DISC1: variants seen among roughly 807,000 people sequenced by gnomAD.
The protein encoded by DISC1 is DISC1 scaffold protein, also known as disrupted in schizophrenia 1 protein.
In DISC1, 57 loss-of-function variants were observed where a neutral mutation model predicts 84.5. The ratio of observed to expected loss-of-function variants is 0.67; its 90% confidence interval spans 0.55 to 0.84. DISC1 has a LOEUF of 0.84. Ranked by LOEUF, DISC1 falls within the 40% of genes least tolerant of loss-of-function variation. DISC1 has a pLI of 0.00. For missense variants in DISC1, 1,000 were observed against 1,057.8 expected (o/e 0.95, Z 0.76); for synonymous variants, 411 against 415.2 (o/e 0.99, Z 0.12).
At chr1:231,782,544 A>G (rs1178022483) in intron 6 of DISC1, among the ~76,000 whole-genome samples, 1 of 152,256 alleles carries the variant, frequency 6.6e-6, no homozygotes, top group Non-Finnish European at 1.5e-5. Context: ...AACCCACAGC[A>G]GAAAGTACAA....
intron 10 of DISC1, among the ~76,000 whole-genome samples, chr1:231,965,536 C>G (rs1660980026): frequency 6.6e-6 from 1 of 152,226 alleles, no homozygotes; most frequent in Non-Finnish European, 1.5e-5. Flanking sequence ...CTGCTCTTCT[C>G]CCACAGCCAG....
intron 9 of DISC1, among the ~76,000 whole-genome samples, chr1:231,840,695 TG>T (rs1253112368): frequency 1.3e-5 from 2 of 149,176 alleles, no homozygotes; most frequent in Non-Finnish European, 2.9e-5. Flanking sequence ...TGTTTTTATT[TG>T]TTTTTTTTTT....
At chr1:231,807,925 G>T (rs533063952) in intron 8 of DISC1, among the ~76,000 whole-genome samples, 148 of 152,334 alleles carry the variant, frequency 9.7e-4, no homozygotes, top group African/African-American at 3.1e-3. Context: ...GATGCCAGAG[G>T]CAGCCCTGCA....
chr1:231,853,313 T>C (rs1197878245), intron 9 of DISC1, among the ~76,000 whole-genome samples: 1 of 152,342 alleles, frequency 6.6e-6, no homozygotes, highest in East Asian at 1.9e-4. Flanking sequence ...ATTTTGCCAT[T>C]GTGTGAACGT....
At chr1:231,643,389 T>G (rs1235863478) in intron 1 of DISC1, among the ~76,000 whole-genome samples, 1 of 152,168 alleles carries the variant, frequency 6.6e-6, no homozygotes, top group Non-Finnish European at 1.5e-5. Flanking sequence ...AGAATGCCAT[T>G]CATGGTGGCT....
At chr1:231,799,977 T>C (rs1416962607) in intron 7 of DISC1, 131 bp from the exon 8 acceptor site, 7 of 603,542 alleles carry the variant, frequency 1.2e-5, no homozygotes, top group Admixed American at 4.6e-5. Flanking sequence ...TTTTTGAACA[T>C]TGTCTTCCAA....
intron 8 of DISC1, among the ~76,000 whole-genome samples, chr1:231,817,281 C>T (rs555549206): frequency 7.9e-5 from 12 of 152,236 alleles, no homozygotes; most frequent in East Asian, 3.9e-4. Context: ...GATAGGGTTT[C>T]GCCATGTTGG....
intron 9 of DISC1, among the ~76,000 whole-genome samples, chr1:231,927,679 T>C (rs2090429387): frequency 6.6e-6 from 1 of 152,332 alleles, no homozygotes; most frequent in African/African-American, 2.4e-5. Context: ...AAGTCATTGA[T>C]GGAGAGGACA....
At chr1:231,732,403 T>C (rs1303527086) in intron 3 of DISC1, among the ~76,000 whole-genome samples, 6 of 152,244 alleles carry the variant, frequency 3.9e-5, no homozygotes, top group South Asian at 2.1e-4. Context: ...GACAGAATTC[T>C]ACTTAGAAAT....
intron 4 of DISC1, among the ~76,000 whole-genome samples, chr1:231,762,968 GA>G (rs1558500562): frequency 6.6e-6 from 1 of 152,194 alleles, no homozygotes; most frequent in Non-Finnish European, 1.5e-5. Context: ...GACACGGTGT[GA>G]AAAAGGCAGA....
intron 3 of DISC1, among the ~76,000 whole-genome samples, chr1:231,737,569 G>A (rs1487014292): frequency 6.6e-6 from 1 of 151,452 alleles, no homozygotes; most frequent in African/African-American, 2.4e-5. Context: ...AACAGTGAAA[G>A]GAGAATAGGA....
chr1:231,950,185 AAAAG>A (rs906883880), intron 9 of DISC1, among the ~76,000 whole-genome samples: 2 of 149,266 alleles, frequency 1.3e-5, no homozygotes, highest in Non-Finnish European at 2.9e-5. Flanking sequence ...CTGTCTATAA[AAAAG>A]AATGAAAAAA....
intron 10 of DISC1, among the ~76,000 whole-genome samples, chr1:231,982,492 A>C (rs1558805423): frequency 6.6e-6 from 1 of 152,312 alleles, no homozygotes; most frequent in East Asian, 1.9e-4. Flanking sequence ...AATAAACAAA[A>C]GAAACACCAT....
intron 11 of DISC1, among the ~76,000 whole-genome samples, chr1:232,015,119 G>C (rs992706140): frequency 2.0e-5 from 3 of 152,114 alleles, no homozygotes; most frequent in African/African-American, 7.2e-5. Flanking sequence ...TGTTTCTTCT[G>C]TTCAGTGAGC....
At chr1:231,655,283 A>G (rs1260073530) in intron 1 of DISC1, among the ~76,000 whole-genome samples, 2 of 152,042 alleles carry the variant, frequency 1.3e-5, no homozygotes, top group East Asian at 1.9e-4. Flanking sequence ...AAAGTCCATT[A>G]TATCACTTTG....
chr1:231,716,030 G>A (rs2068656006), intron 3 of DISC1, among the ~76,000 whole-genome samples: 1 of 152,156 alleles, frequency 6.6e-6, no homozygotes. Context: ...ATCCTGCTGT[G>A]TGGGTGGAAG....
chr1:231,645,652 A>C (rs561206907), intron 1 of DISC1, among the ~76,000 whole-genome samples: 5 of 152,144 alleles, frequency 3.3e-5, no homozygotes. Flanking sequence ...TATTTCTCCT[A>C]ATGCTATCCC....
chr1:231,917,426 A>T lies in DISC1; in HGVS notation c.1982-41402A>T, dbSNP rs115765212. On this transcript the variant is annotated intron_variant, in intron 9 of 12. Coordinates refer to ENST00000439617, the MANE Select transcript of DISC1 (RefSeq NM_018662.3). Reference sequence around the variant, plus strand: ...AATATGAAGCGAAGCGATCACTCTTATATTTGGGGAGTGTTTTAGAGTCTT... The same window carrying T: ...AATATGAAGCGAAGCGATCACTCTTTTATTTGGGGAGTGTTTTAGAGTCTT... Among the ~76,000 whole-genome samples the T allele has an allele frequency of 6.4e-3, 975 of 152,324 alleles. 7 individuals carry two copies. Among genetic ancestry groups the T allele is most frequent in the African/African-American group, 0.021 (868 of 41,578 alleles).
At chr1:231,667,787 C>T (rs1351887608) in intron 1 of DISC1, among the ~76,000 whole-genome samples, 1 of 152,074 alleles carries the variant, frequency 6.6e-6, no homozygotes, top group Non-Finnish European at 1.5e-5. Flanking sequence ...ACTTGTAGGA[C>T]ATTAAAAAAT....
Sources: gnomAD v4.1 joint callset for allele counts (sites outside exome capture counted in the v4.1 genomes callset) on GRCh38, gnomAD v4.1.1 for gene constraint, MANE v1.5 for transcripts, NCBI Gene and HGNC (gene_info 2026-07-23, HGNC 2026-07-21) for gene names.